ZDHHC11: variants seen among roughly 807,000 people sequenced by gnomAD.
ZDHHC11 encodes zDHHC palmitoyltransferase 11.
ZDHHC11 carries 44 observed loss-of-function variants against 51.3 expected under a neutral mutation model. The ratio of observed to expected loss-of-function variants is 0.86; its 90% confidence interval spans 0.67 to 1.10. ZDHHC11 has a LOEUF of 1.10. ZDHHC11 is among the 50% of genes least tolerant of loss of function. The probability of loss-of-function intolerance (pLI) is 0.00; values close to 1 mark genes in which losing one functional copy is unlikely to be tolerated. For missense variants in ZDHHC11, 400 were observed against 537.7 expected (o/e 0.74, Z 2.53); for synonymous variants, 163 against 222.0 (o/e 0.73, Z 2.36).
At chr5:817,693 G>A (rs1028231300) in intron 10 of ZDHHC11, among the ~76,000 whole-genome samples, 9 of 151,114 alleles carry the variant, frequency 6.0e-5, no homozygotes, top group African/African-American at 2.2e-4. Context: ...GGACTGAGCT[G>A]TGTGTGTGTG....
At chr5:821,947 CT>C in intron 8 of ZDHHC11, 52 bp from the exon 9 acceptor site, 1 of 1,524,560 alleles carries the variant, frequency 6.6e-7, no homozygotes, top group Non-Finnish European at 9.0e-7. Flanking sequence ...TGAACTTATT[CT>C]TAAAAAAAAT....
chr5:844,860 C>T (rs571183092), intron 3 of ZDHHC11, among the ~76,000 whole-genome samples: 39 of 152,420 alleles, frequency 2.6e-4, no homozygotes, highest in Admixed American at 2.3e-3. Context: ...GAGAATAATC[C>T]ATCCACAAAA....
chr5:834,667 T>C lies in ZDHHC11; in HGVS notation c.901-860A>G, dbSNP rs1743567858. The stretch of plus-strand genomic sequence containing the variant: ...TTTATTGTGCATTGCTTTACTGCAC[T>C]TCACAGATACTGTGTTTTTTCACAA... On this transcript the variant is annotated intron_variant, in intron 6 of 12. Transcript: ENST00000283441. 5.9e-5 allele frequency among the ~76,000 whole-genome samples: 9 copies of C among 152,418 alleles called. No individual in the cohort carries two copies. In the South Asian group the frequency reaches 1.7e-3, roughly 28 times the overall value.
In ZDHHC11 at chr5:840,516, G is replaced by A. The variant is rs1005325117; in HGVS notation, c.763C>T (p.Leu255Phe). The A allele has an allele frequency of 6.2e-7, 1 of 1,613,656 alleles. No homozygotes were observed. Among genetic ancestry groups the A allele is most frequent in the African/African-American group, 1.3e-5 (1 of 74,920 alleles). ...ATACTCAGGTAGATGTGGAAGATGA[G>A]CAGCTGGCCCAGGTGCACCAAGCCA... Reference protein sequence around the residue: ...FLGLVHLGQLLIFHIYLKAKK... With the variant: ...FLGLVHLGQLFIFHIYLKAKK... Residue 255 changes from leucine to phenylalanine, a missense_variant, in exon 5 of 13, where the codon CTC becomes TTC. Physicochemically the swap from Leu to Phe is conservative, Grantham distance 22. Around this residue, in one of 5 missense-constraint regions of ZDHHC11, gnomAD observed 231 missense variants for 227.4 expected, o/e 1.02. Transcript: ENST00000283441.
At chr5:823,969 G>C in intron 8 of ZDHHC11, 1 of 433,082 alleles carries the variant, frequency 2.3e-6, no homozygotes, top group South Asian at 1.6e-5. Flanking sequence ...TTTGCTGGAA[G>C]TGCAGGCAAG....
intron 7 of ZDHHC11, among the ~76,000 whole-genome samples, chr5:828,324 C>T (rs912117481): frequency 6.6e-6 from 1 of 150,928 alleles, no homozygotes; most frequent in African/African-American, 2.4e-5. Flanking sequence ...CGGGCGGAGG[C>T]ACCCCCCACC....
intron 11 of ZDHHC11, among the ~76,000 whole-genome samples, chr5:813,876 A>AGT (rs4045369): frequency 0.2 from 26,550 of 135,300 alleles, 2,844 homozygotes; most frequent in African/African-American, 0.42. Context: ...ACTGTGTGCG[A>AGT]GTGTGTGTGT....
intron 5 of ZDHHC11, 46 bp downstream of exon 5, chr5:840,449 A>G: frequency 1.2e-6 from 2 of 1,612,412 alleles, no homozygotes; most frequent in Non-Finnish European, 1.7e-6. Flanking sequence ...AGCAGCTCTG[A>G]CCACCCAGCC....
rs907001693 is a variant in ZDHHC11 at position 850,391 on chromosome 5, A to C, written c.212T>G (p.Ile71Ser). The part of the protein sequence containing the change: ...IPFLPHAWKY[I>S]AYVVTGGIFS... ...CGATGAAAAGGATACCACGTAGGCA[A>C]TGTATTTCCACGCGTGAGGCAGGAA... is the stretch of plus-strand genomic sequence containing the variant. The change falls in exon 1 of 13, where the codon ATT becomes AGT. Residue 71 changes from isoleucine to serine, a missense_variant. Physicochemically the swap from Ile to Ser is moderately radical, Grantham distance 142. Around this residue, in one of 5 missense-constraint regions of ZDHHC11, gnomAD observed 119 missense variants for 99.6 expected, o/e 1.20. Coordinates refer to ENST00000283441, the MANE Select transcript of ZDHHC11 (RefSeq NM_024786.3). 20 of 1,613,604 alleles carry C rather than the reference A, an allele frequency of 1.2e-5. No individual in the cohort carries two copies. Among genetic ancestry groups the C allele is most frequent in the Middle Eastern group, 1.6e-4 (1 of 6,062 alleles).
intron 10 of ZDHHC11, chr5:816,287 A>C: frequency 3.6e-6 from 1 of 277,154 alleles, no homozygotes. Flanking sequence ...ATCAAAGAAG[A>C]CATTGCTTAA....
At chr5:835,200 C>G (rs184603206) in intron 6 of ZDHHC11, among the ~76,000 whole-genome samples, 1,470 of 139,252 alleles carry the variant, frequency 0.011, 19 homozygotes, top group African/African-American at 0.018. Flanking sequence ...TCTTCCGTGG[C>G]GAATGAAGTG....
At chr5:838,684 G>A (rs1340050627) in intron 5 of ZDHHC11, among the ~76,000 whole-genome samples, 1 of 152,178 alleles carries the variant, frequency 6.6e-6, no homozygotes, top group Non-Finnish European at 1.5e-5. Flanking sequence ...GCCACACTTG[G>A]TCTGGGCTTT....
intron 5 of ZDHHC11, chr5:839,673 C>T (rs1336337010): frequency 1.3e-5 from 2 of 152,344 alleles, no homozygotes; most frequent in Non-Finnish European, 2.9e-5. Flanking sequence ...CTTGCCACAA[C>T]TGCAGGCAGG....
chr5:814,991 C>T (rs1451577717), intron 10 of ZDHHC11, among the ~76,000 whole-genome samples, 196 bp from the exon 11 acceptor site: 6 of 151,446 alleles, frequency 4.0e-5, no homozygotes, highest in Admixed American at 2.0e-4. Flanking sequence ...TGAACTATAT[C>T]CTCCTCCAAA....
chr5:836,393 G>C (rs1651316), intron 6 of ZDHHC11, among the ~76,000 whole-genome samples: 1 of 150,296 alleles, frequency 6.7e-6, no homozygotes, highest in African/African-American at 2.5e-5. Flanking sequence ...TTCCTGCCCC[G>C]TGCTGCTCGA....
intron 3 of ZDHHC11, 155 bp from the exon 4 acceptor site, chr5:843,879 G>GGC (rs1745563713): frequency 8.0e-6 from 3 of 374,440 alleles, no homozygotes; most frequent in Middle Eastern, 9.2e-4. Flanking sequence ...GGGCATGTGG[G>GGC]ACAGGTGTGG....
At chr5:828,778 G>A (rs1404818818) in intron 7 of ZDHHC11, among the ~76,000 whole-genome samples, 2 of 147,732 alleles carry the variant, frequency 1.4e-5, no homozygotes, top group Non-Finnish European at 3.0e-5. Flanking sequence ...ATGAATTTAA[G>A]AAAGTCAGAA....
intron 5 of ZDHHC11, among the ~76,000 whole-genome samples, chr5:838,125 GC>G (rs1744173354): frequency 6.6e-6 from 1 of 151,648 alleles, no homozygotes; most frequent in Non-Finnish European, 1.5e-5. Flanking sequence ...CTCTGATGGG[GC>G]TGAGACAGGT....
intron 3 of ZDHHC11, among the ~76,000 whole-genome samples, chr5:844,854 A>C (rs775667324): frequency 6.6e-6 from 1 of 152,310 alleles, no homozygotes; most frequent in Non-Finnish European, 1.5e-5. Flanking sequence ...GATGCAGAGA[A>C]TAATCCATCC....
Sources: allele counts gnomAD v4.1 joint callset (sites outside exome capture counted in the v4.1 genomes callset), GRCh38; gene constraint gnomAD v4.1.1; regional missense constraint gnomAD v4.1.1; transcripts MANE v1.5; gene names NCBI Gene and HGNC (gene_info 2026-07-23, HGNC 2026-07-21).